Variants in SLCO3A1 observed in about 807,000 individuals in gnomAD.
SLCO3A1 encodes solute carrier organic anion transporter family member 3A1.
SLCO3A1 carries 27 observed loss-of-function variants against 63.1 expected under a neutral mutation model. That is an observed-to-expected ratio of 0.43 (90% CI 0.32 to 0.59). The LOEUF is 0.59. SLCO3A1 is among the 20% of genes least tolerant of loss of function. The probability of loss-of-function intolerance (pLI) is 0.09; values close to 1 mark genes in which losing one functional copy is unlikely to be tolerated. For synonymous variants in SLCO3A1, 473 were observed against 409.9 expected (o/e 1.15, Z -1.86); for missense variants, 773 against 945.8 (o/e 0.82, Z 2.40).
At chr15:92,128,528 G>A (rs1414406024) in intron 7 of SLCO3A1, 39 bp downstream of exon 7, 2 of 1,571,732 alleles carry the variant, frequency 1.3e-6, no homozygotes, top group South Asian at 2.3e-5. Flanking sequence ...GGGGATTCAG[G>A]CAGCTAAAGT....
At chr15:92,012,071 A>G (rs1406312473) in intron 2 of SLCO3A1, among the ~76,000 whole-genome samples, 1 of 152,240 alleles carries the variant, frequency 6.6e-6, no homozygotes, top group Non-Finnish European at 1.5e-5. Flanking sequence ...AGAGAGGAAG[A>G]GACAGAAGGC....
At position 91,885,442 on chromosome 15, in the gene SLCO3A1, C is replaced by T. The variant is rs4932512; in HGVS notation, c.181-30551C>T. On this transcript the variant is annotated intron_variant, in intron 1 of 9. Coordinates refer to ENST00000318445, the MANE Select transcript of SLCO3A1 (RefSeq NM_013272.4). This position sits in a 1 kb window ranked among gnomAD's most constrained non-coding sequence, Gnocchi z 4.7. ...TAGCTCCTGTGTTTCAGGAAGAAGC[C>T]GGGCAGATGCCTCTTTGTTCCAGCA... Among the ~76,000 whole-genome samples the T allele has an allele frequency of 0.13, 19,596 of 152,184 alleles. 1,555 individuals carry two copies. The highest frequency in any genetic ancestry group is 0.37 in the East Asian group (1,918 of 5,138).
Position 91,897,990 on chromosome 15 carries a change from G to T in SLCO3A1, c.181-18003G>T, listed in dbSNP as rs546473565. 6.6e-6 allele frequency among the ~76,000 whole-genome samples: 1 copy of T among 152,206 alleles called. No homozygotes were observed. The highest frequency in any genetic ancestry group is 1.5e-5 in the Non-Finnish European group (1 of 68,028). On this transcript the variant is annotated intron_variant, in intron 1 of 9. Coordinates refer to ENST00000318445, the MANE Select transcript of SLCO3A1 (RefSeq NM_013272.4). The surrounding 1 kb of genome is among the most constrained non-coding windows in gnomAD (Gnocchi z 4.7). Reference sequence around the variant, plus strand: ...GAGATGCAGAAAGCAGGTGCTCATGGTTTGTTTCTGTTGTTCTTGGCTTGC... The same window carrying T: ...GAGATGCAGAAAGCAGGTGCTCATGTTTTGTTTCTGTTGTTCTTGGCTTGC...
intron 2 of SLCO3A1, among the ~76,000 whole-genome samples, chr15:92,065,724 G>A (rs2047143024): frequency 6.6e-6 from 1 of 151,922 alleles, no homozygotes; most frequent in African/African-American, 2.4e-5. Flanking sequence ...TTTTAACAAT[G>A]TTATTGAGGT....
intron 2 of SLCO3A1, among the ~76,000 whole-genome samples, chr15:91,947,917 C>G (rs574373606): frequency 6.6e-6 from 1 of 152,190 alleles, no homozygotes; most frequent in African/African-American, 2.4e-5. Flanking sequence ...TGGCAATTCC[C>G]CTTTGGCCCC....
rs1850253280 is a variant in SLCO3A1, at chr15:92,164,286, AACAAGAATAT to A, written c.*1156_*1165del. On this transcript the variant is annotated 3_prime_UTR_variant, in exon 10 of 10. Transcript: ENST00000318445. ...TATCCTCATTCGAATATTCTACAAA[AACAAGAATAT>A]ACAATGTGTTACAAGAAGAAAAAAA... 1.0e-6 allele frequency: 1 copy of A among 983,592 alleles called. No individual in the cohort carries two copies. Among genetic ancestry groups the A allele is most frequent in the Admixed American group, 6.2e-5 (1 of 16,258 alleles). The allele number at this position is 983,592 out of a possible 1,614,324, so 60.9% of individuals were successfully genotyped here.
At position 91,854,092 on chromosome 15, in the gene SLCO3A1, A is replaced by G; in HGVS notation, c.180+4A>G. 1 of 1,513,370 alleles carries G rather than the reference A, an allele frequency of 6.6e-7. No homozygotes were observed. The highest frequency in any genetic ancestry group is 1.2e-5 in the South Asian group (1 of 80,980). 93.7% of individuals were successfully genotyped at this position (1,513,370 alleles called of 1,614,324 possible). A position where few individuals can be genotyped will look rare whatever the true frequency, so the allele number is the denominator to read the frequency against. On this transcript the variant is annotated splice_donor_region_variant and intron_variant, in intron 1 of 9. Coordinates refer to ENST00000318445, the MANE Select transcript of SLCO3A1 (RefSeq NM_013272.4). This position sits in a 1 kb window ranked among gnomAD's most constrained non-coding sequence, Gnocchi z 6.4. ...GGGCACGGTGGGCGCCTACCTGGTG[A>G]GTCCCCGAGCCAACTCCGCCGCGGG... is the stretch of plus-strand genomic sequence containing the variant.
intron 2 of SLCO3A1, among the ~76,000 whole-genome samples, chr15:92,091,046 G>C (rs1200937947): frequency 2.6e-5 from 4 of 152,158 alleles, no homozygotes; most frequent in South Asian, 4.1e-4. Context: ...TTTCCCTTAG[G>C]GGGTTAGAAA....
At chr15:92,028,946 C>CGTGTGTGTGTGTGTGTGT (rs1555425656) in intron 2 of SLCO3A1, among the ~76,000 whole-genome samples, 27 of 23,842 alleles carry the variant, frequency 1.1e-3, no homozygotes, top group Admixed American at 4.6e-3. Context: ...TGTGTGTGTA[C>CGTGTGTGTGTGTGTGTGT]GTACATGAGA....
chr15:91,965,867 C>G (rs1007333013), intron 2 of SLCO3A1, among the ~76,000 whole-genome samples: 12 of 152,040 alleles, frequency 7.9e-5, no homozygotes, highest in African/African-American at 2.7e-4. Flanking sequence ...GTCGATTGAG[C>G]CAGTCCAGCC....
intron 4 of SLCO3A1, among the ~76,000 whole-genome samples, chr15:92,110,947 G>T (rs532211447): frequency 2.0e-5 from 3 of 152,186 alleles, no homozygotes; most frequent in Non-Finnish European, 4.4e-5. Context: ...GTTGGAGAGG[G>T]TCTGCTTCTG....
intron 2 of SLCO3A1, among the ~76,000 whole-genome samples, chr15:92,064,355 G>A (rs1286903520): frequency 1.3e-5 from 2 of 152,212 alleles, no homozygotes; most frequent in South Asian, 2.1e-4. Context: ...TTTGTCAGAT[G>A]AACAGTTTTC....
intron 2 of SLCO3A1, among the ~76,000 whole-genome samples, chr15:92,085,717 T>G (rs917273897): frequency 6.6e-6 from 1 of 152,184 alleles, no homozygotes; most frequent in Non-Finnish European, 1.5e-5. Flanking sequence ...ATGAAGTCTA[T>G]AAACAAATCA....
At chr15:92,157,925 G>A (rs924206898) in intron 9 of SLCO3A1, among the ~76,000 whole-genome samples, 1 of 152,162 alleles carries the variant, frequency 6.6e-6, no homozygotes. Context: ...GAATCACACA[G>A]TTCCCAAGTG....
intron 5 of SLCO3A1, among the ~76,000 whole-genome samples, chr15:92,124,166 G>A (rs1228091308): frequency 1.3e-5 from 2 of 152,206 alleles, no homozygotes; most frequent in African/African-American, 4.8e-5. Context: ...AGCAAATGGG[G>A]CAGAGCTCAG....
At chr15:92,116,991 A>G (rs1299204028) in intron 4 of SLCO3A1, among the ~76,000 whole-genome samples, 1 of 152,254 alleles carries the variant, frequency 6.6e-6, no homozygotes, top group African/African-American at 2.4e-5. Flanking sequence ...GATTTTTCAC[A>G]TCTAATTCAA....
intron 2 of SLCO3A1, among the ~76,000 whole-genome samples, chr15:92,075,200 G>A (rs1386390741): frequency 2.6e-5 from 4 of 152,148 alleles, no homozygotes; most frequent in Non-Finnish European, 4.4e-5. Flanking sequence ...GGGAAACTTG[G>A]TGCTTAAGCT....
chr15:92,138,821 A>T (rs2048091149), intron 7 of SLCO3A1, among the ~76,000 whole-genome samples: 1 of 95,906 alleles, frequency 1.0e-5, no homozygotes, highest in Non-Finnish European at 1.9e-5. Context: ...TTGCCCATTG[A>T]TTTTGTATCC....
At position 92,072,504 on chromosome 15, in the gene SLCO3A1, T is replaced by G. The variant is rs8037027; in HGVS notation, c.647-22377T>G. Among the ~76,000 whole-genome samples the G allele has an allele frequency of 6.1e-3, 929 of 152,334 alleles. 11 individuals are homozygous for G. The highest frequency in any genetic ancestry group is 0.021 in the African/African-American group (891 of 41,574). On this transcript the variant is annotated intron_variant, in intron 2 of 9. Coordinates refer to ENST00000318445, the MANE Select transcript of SLCO3A1 (RefSeq NM_013272.4). Reference sequence around the variant, plus strand: ...TTTTTCTTTAAACAAAAGATTGGTTTTCTGAGACTATGCAACAACTTTACG... The same window carrying G: ...TTTTTCTTTAAACAAAAGATTGGTTGTCTGAGACTATGCAACAACTTTACG...
Sources: allele counts gnomAD v4.1 joint callset (sites outside exome capture counted in the v4.1 genomes callset), GRCh38; gene constraint gnomAD v4.1.1; non-coding constraint Gnocchi (gnomAD v3.1); transcripts MANE v1.5; gene names NCBI Gene and HGNC (gene_info 2026-07-23, HGNC 2026-07-21).